QTMAN: variants seen among roughly 807,000 people sequenced by gnomAD.
QTMAN encodes the protein queuosine-tRNA mannosyltransferase.
the QTMAN span, among the ~76,000 whole-genome samples, chr2:144,148,328 T>G: frequency 1.3e-5 from 2 of 151,760 alleles, no homozygotes; most frequent in Admixed American, 6.6e-5. Context: ...AAATAAAAAA[T>G]GTGCAAACAC....
At chr2:144,242,960 T>TAAAAAAAAAAA in the QTMAN span, among the ~76,000 whole-genome samples, 51 of 77,802 alleles carry the variant, frequency 6.6e-4, no homozygotes, top group African/African-American at 2.9e-3. Context: ...AGACTCTACT[T>TAAAAAAAAAAA]AAAAAAAAAA....
At chr2:144,287,366 C>T in the QTMAN span, among the ~76,000 whole-genome samples, 1 of 149,322 alleles carries the variant, frequency 6.7e-6, no homozygotes, top group African/African-American at 2.5e-5. Flanking sequence ...ACCCGGGAGG[C>T]AGAGCTTGCA....
At chr2:144,081,112 C>T in the QTMAN span, among the ~76,000 whole-genome samples, 1 of 152,146 alleles carries the variant, frequency 6.6e-6, no homozygotes, top group African/African-American at 2.4e-5. Context: ...TTCATTTAGT[C>T]TCCTTCTCTA....
chr2:144,310,753 A>G, the QTMAN span, among the ~76,000 whole-genome samples: 6 of 152,242 alleles, frequency 3.9e-5, no homozygotes, highest in African/African-American at 1.4e-4. Context: ...AGTAACACCA[A>G]TGGACTTAGA....
chr2:144,242,992 T>G, the QTMAN span, among the ~76,000 whole-genome samples: 1 of 138,246 alleles, frequency 7.2e-6, no homozygotes, highest in South Asian at 2.2e-4. Flanking sequence ...AAAAGAGTAT[T>G]CTGCCTATAC....
the QTMAN span, among the ~76,000 whole-genome samples, chr2:144,199,471 A>G: frequency 6.6e-6 from 1 of 152,158 alleles, no homozygotes; most frequent in African/African-American, 2.4e-5. Flanking sequence ...TCCTGTAGAG[A>G]GAGATAGCTA....
chr2:143,999,098 CA>C, the QTMAN span, among the ~76,000 whole-genome samples: 1 of 151,872 alleles, frequency 6.6e-6, no homozygotes, highest in Non-Finnish European at 1.5e-5. Flanking sequence ...TCCCCCTAAA[CA>C]AAAAAGTTTC....
At chr2:144,145,625 G>A in the QTMAN span, 4 of 1,610,444 alleles carry the variant, frequency 2.5e-6, no homozygotes, top group Non-Finnish European at 2.5e-6. Flanking sequence ...GACATTTCTT[G>A]ACAGGATATA....
the QTMAN span, among the ~76,000 whole-genome samples, chr2:144,253,768 A>C: frequency 6.6e-6 from 1 of 152,220 alleles, no homozygotes; most frequent in Non-Finnish European, 1.5e-5. Flanking sequence ...TAGAAAAAAA[A>C]AAAAACATTT....
At chr2:144,184,741 G>T in the QTMAN span, among the ~76,000 whole-genome samples, 1 of 152,058 alleles carries the variant, frequency 6.6e-6, no homozygotes, top group Non-Finnish European at 1.5e-5. Context: ...TTAAGTATCT[G>T]TTATTTCATT....
chr2:144,074,005 G>T, the QTMAN span, among the ~76,000 whole-genome samples: 1 of 152,138 alleles, frequency 6.6e-6, no homozygotes, highest in Non-Finnish European at 1.5e-5. Context: ...AAGTAACCAG[G>T]TCCCTGCCAC....
chr2:144,023,637 G>C, the QTMAN span, among the ~76,000 whole-genome samples: 5 of 152,220 alleles, frequency 3.3e-5, no homozygotes, highest in Non-Finnish European at 5.9e-5. Context: ...TCTTTGAAAA[G>C]TAAGTTCATG....
chr2:144,326,387 A>G, the QTMAN span, among the ~76,000 whole-genome samples: 1 of 152,048 alleles, frequency 6.6e-6, no homozygotes, highest in South Asian at 2.1e-4. Flanking sequence ...GTAGATTGAG[A>G]CCATCCTGGC....
the QTMAN span, among the ~76,000 whole-genome samples, chr2:144,167,680 A>G: frequency 6.6e-6 from 1 of 152,108 alleles, no homozygotes; most frequent in East Asian, 1.9e-4. Context: ...GCCTTCTGCC[A>G]TAATTGTAAG....
the QTMAN span, among the ~76,000 whole-genome samples, chr2:143,993,559 G>C: frequency 6.6e-6 from 1 of 152,142 alleles, no homozygotes; most frequent in Non-Finnish European, 1.5e-5. Flanking sequence ...AGAGGAGAAA[G>C]CAATGTGACT....
chr2:144,215,271 T>TAC, the QTMAN span, among the ~76,000 whole-genome samples: 71 of 148,498 alleles, frequency 4.8e-4, no homozygotes, highest in African/African-American at 7.3e-4. Flanking sequence ...AATATATATA[T>TAC]ATACACACAC....
At chr2:144,293,327 T>C in the QTMAN span, among the ~76,000 whole-genome samples, 6 of 152,236 alleles carry the variant, frequency 3.9e-5, no homozygotes, top group East Asian at 9.6e-4. Context: ...TTGTCTAATA[T>C]ACACTGTAAA....
the QTMAN span, among the ~76,000 whole-genome samples, chr2:144,297,371 T>C: frequency 6.6e-6 from 1 of 152,130 alleles, no homozygotes; most frequent in Non-Finnish European, 1.5e-5. Context: ...TTCTGGTCTA[T>C]TACACTTACT....
At chr2:144,135,894 T>C in the QTMAN span, among the ~76,000 whole-genome samples, 3 of 152,202 alleles carry the variant, frequency 2.0e-5, no homozygotes, top group Non-Finnish European at 4.4e-5. Context: ...ACAAGAAATG[T>C]CTTTCAGAGT....
Sources: allele counts gnomAD v4.1 joint callset (sites outside exome capture counted in the v4.1 genomes callset), GRCh38; gene constraint gnomAD v4.1.1; transcripts MANE v1.5; gene names NCBI Gene and HGNC (gene_info 2026-07-23, HGNC 2026-07-21).